Variants in MED1 observed in about 807,000 individuals in gnomAD.
MED1 encodes mediator of RNA polymerase II transcription subunit 1.
In MED1, 17 loss-of-function variants were observed where a neutral mutation model predicts 121.3. That is an observed-to-expected ratio of 0.14 (90% CI 0.10 to 0.21). MED1 has a LOEUF of 0.21. MED1 is among the 10% of genes least tolerant of loss of function. The probability of loss-of-function intolerance (pLI) is 1.00; values close to 1 mark genes in which losing one functional copy is unlikely to be tolerated. For synonymous variants in MED1, 661 were observed against 694.4 expected (o/e 0.95, Z 0.76); for missense variants, 1,558 against 1,919.4 (o/e 0.81, Z 3.52).
At position 39,409,666 on chromosome 17, in the gene MED1, T is replaced by A. The variant is rs200761504; in HGVS notation, c.2555A>T (p.Asp852Val). Residue 852 changes from aspartate (D) to valine (V), a missense_variant, in exon 17 of 17, where the codon GAC becomes GTC. Coordinates refer to ENST00000300651, the MANE Select transcript of MED1 (RefSeq NM_004774.4). ...ATGAAAAAAATGATTGGTAGGAGAGTCACTACTGGGGCTTCCAGCAGCATC... is the reference window on the plus strand; with the variant it reads ...ATGAAAAAAATGATTGGTAGGAGAGACACTACTGGGGCTTCCAGCAGCATC... ...IADAAGSPSS[D>V]SPTNHFFHDG... The A allele has an allele frequency of 2.5e-5, 41 of 1,613,994 alleles. No individual in the cohort carries two copies. Among genetic ancestry groups the A allele is most frequent in the Non-Finnish European group, 3.4e-5 (40 of 1,180,040 alleles).
Position 39,440,027 on chromosome 17 carries a change from A to G in MED1, c.399+359T>C, listed in dbSNP as rs1359734116. Among the ~76,000 whole-genome samples, 1 of 151,318 alleles carries G rather than the reference A, an allele frequency of 6.6e-6. No individual in the cohort carries two copies. The highest frequency in any genetic ancestry group is 1.5e-5 in the Non-Finnish European group (1 of 67,838). Reference sequence around the variant, plus strand: ...GAAGGAAGGAAGGAAGGAAAGAAAGAAAGAAAGAGAGAAAGAGAAAGAAAG... The same window carrying G: ...GAAGGAAGGAAGGAAGGAAAGAAAGGAAGAAAGAGAGAAAGAGAAAGAAAG... On this transcript the variant is annotated intron_variant, in intron 5 of 16. Coordinates refer to ENST00000300651, the MANE Select transcript of MED1 (RefSeq NM_004774.4). This position sits in a 1 kb window ranked among gnomAD's most constrained non-coding sequence, Gnocchi z 4.1.
At position 39,410,090 on chromosome 17, in the gene MED1, C is replaced by T. The variant is rs753200107; in HGVS notation, c.2131G>A (p.Glu711Lys). Residue 711 changes from glutamate (E) to lysine (K), a missense_variant, in exon 17 of 17, where the codon GAG (glutamate) becomes AAG (lysine). Physicochemically the swap from Glu to Lys is moderately conservative, Grantham distance 56. Around this residue, in one of 5 missense-constraint regions of MED1, gnomAD observed 793 missense variants for 898.2 expected, o/e 0.88. Transcript: ENST00000300651. ...GAGTCAACATCCATTGAAAATAGCT[C>T]CCTCTGAAAGTCATCTTCAGTCTGG... ...KHQTEDDFQR[E>K]LFSMDVDSQN... 5 of 1,614,040 alleles carry T rather than the reference C, an allele frequency of 3.1e-6. No individual in the cohort carries two copies. The highest frequency in any genetic ancestry group is 4.2e-6 in the Non-Finnish European group (5 of 1,180,008).
chr17:39,405,911 C>CT lies in MED1; in HGVS notation c.*1563dup, dbSNP rs879728736. 5.8e-3 allele frequency: 4,180 copies of CT among 721,440 alleles called. 22 individuals are homozygous for CT. The highest frequency in any genetic ancestry group is 0.035 in the African/African-American group (1,775 of 51,368). 44.7% of individuals were successfully genotyped at this position (721,440 alleles called of 1,614,324 possible). ...CATAACACACAAAGGAATCACCTGG[C>CT]TTTTTTTTTTTAACCCAGAAGAGTT... On this transcript the variant is annotated 3_prime_UTR_variant, in exon 17 of 17. Coordinates refer to ENST00000300651, the MANE Select transcript of MED1 (RefSeq NM_004774.4).
intron 7 of MED1, among the ~76,000 whole-genome samples, chr17:39,433,152 G>A (rs577831704): frequency 5.3e-5 from 8 of 152,142 alleles, no homozygotes; most frequent in South Asian, 2.1e-4. Context: ...GCAGTGAGCC[G>A]AGATGGCACC....
chr17:39,423,664 A>G, intron 12 of MED1, 33 bp downstream of exon 12: 1 of 1,613,508 alleles, frequency 6.2e-7, no homozygotes, highest in Non-Finnish European at 8.5e-7. Flanking sequence ...TCACATTTAT[A>G]ACAAGTACTA....
chr17:39,434,360 A>G (rs2048598692), intron 6 of MED1, 40 bp from the exon 7 acceptor site: 1 of 1,101,026 alleles, frequency 9.1e-7, no homozygotes, highest in South Asian at 1.5e-5. Flanking sequence ...AGAGGAAAAT[A>G]AAACATAAAA....
chr17:39,429,507 C>G (rs1284439630), intron 9 of MED1, among the ~76,000 whole-genome samples: 1 of 151,458 alleles, frequency 6.6e-6, no homozygotes, highest in African/African-American at 2.4e-5. Flanking sequence ...ACCAGCCTGG[C>G]CAACATGGTG....
chr17:39,418,576 C>G (rs527647650), intron 14 of MED1, among the ~76,000 whole-genome samples: 80 of 151,980 alleles, frequency 5.3e-4, no homozygotes, highest in South Asian at 1.7e-3. Flanking sequence ...CAAGTTCTAC[C>G]TTATGTATAT....
chr17:39,448,728 G>A (rs1038659501), intron 1 of MED1, among the ~76,000 whole-genome samples: 10 of 152,046 alleles, frequency 6.6e-5, no homozygotes, highest in African/African-American at 2.4e-4. Flanking sequence ...TGACCAACAC[G>A]GAGAAACCCC....
At chr17:39,446,742 C>T (rs2048731651) in intron 2 of MED1, among the ~76,000 whole-genome samples, 1 of 151,508 alleles carries the variant, frequency 6.6e-6, no homozygotes, top group Non-Finnish European at 1.5e-5. Context: ...CCATTGCACT[C>T]CAGCCTGGCC....
intron 16 of MED1, among the ~76,000 whole-genome samples, chr17:39,411,930 C>T (rs1290204501): frequency 1.3e-5 from 2 of 151,630 alleles, no homozygotes; most frequent in Non-Finnish European, 2.9e-5. Flanking sequence ...TTGCTTGAAC[C>T]CGGGAAGCAG....
chr17:39,426,073 T>C (rs766625257), intron 10 of MED1, among the ~76,000 whole-genome samples: 21 of 151,476 alleles, frequency 1.4e-4, no homozygotes, highest in Non-Finnish European at 2.4e-4. Flanking sequence ...TCGGGGGCTG[T>C]AGTGAGCTGT....
At chr17:39,433,093 C>T (rs1179878676) in intron 7 of MED1, among the ~76,000 whole-genome samples, 43 of 152,090 alleles carry the variant, frequency 2.8e-4, no homozygotes, top group Admixed American at 2.8e-3. Flanking sequence ...ATCCCAGCTA[C>T]TCGGGAGGCT....
chr17:39,411,447 CCT>C (rs1159706534), intron 16 of MED1, among the ~76,000 whole-genome samples: 4 of 151,742 alleles, frequency 2.6e-5, no homozygotes, highest in Non-Finnish European at 5.9e-5. Context: ...GGGGTGAAAC[CCT>C]GTCTCTACTA....
intron 2 of MED1, chr17:39,445,262 G>A (rs2048715447): frequency 6.6e-6 from 1 of 151,840 alleles, no homozygotes; most frequent in Non-Finnish European, 1.5e-5. Context: ...GCCCAGACTG[G>A]AGTGCAGTAG....
In MED1 at chr17:39,406,001, G is replaced by A. The variant is rs896701817; in HGVS notation, c.*1474C>T. The A allele has an allele frequency of 1.0e-6, 1 of 985,402 alleles. No individual in the cohort carries two copies. Among genetic ancestry groups the A allele is most frequent in the Non-Finnish European group, 1.2e-6 (1 of 829,908 alleles). The allele number at this position is 985,402 out of a possible 1,614,324, so 61.0% of individuals were successfully genotyped here. A position where few individuals can be genotyped will look rare whatever the true frequency, so the allele number is the denominator to read the frequency against. On this transcript the variant is annotated 3_prime_UTR_variant, in exon 17 of 17. Coordinates refer to ENST00000300651, the MANE Select transcript of MED1 (RefSeq NM_004774.4). ...GAATGGAATAATCAGGAATGGCACA[G>A]TGCAGGTGTCAATATCAAAGTAAGG...
intron 1 of MED1, among the ~76,000 whole-genome samples, chr17:39,450,294 G>C (rs916649507): frequency 2.6e-5 from 4 of 152,102 alleles, no homozygotes; most frequent in African/African-American, 9.7e-5. Flanking sequence ...TGTTTTTCTT[G>C]AGAAACCTGC....
chr17:39,439,245 G>A, intron 5 of MED1, 52 bp from the exon 6 acceptor site: 1 of 1,433,250 alleles, frequency 7.0e-7, no homozygotes, highest in East Asian at 2.4e-5. Flanking sequence ...TAGCAACTTT[G>A]AAGATATCAA....
chr17:39,407,569 A>G lies in MED1; in HGVS notation c.4652T>C (p.Ile1551Thr). Residue 1551 changes from isoleucine to threonine, a missense_variant, in exon 17 of 17, where the codon ATC becomes ACC. Physicochemically the swap from Ile to Thr is moderately conservative, Grantham distance 89 (BLOSUM62 -1). Transcript: ENST00000300651. Reference sequence around the variant, plus strand: ...CCTTGAGGGTCTGTCTGCAGATAAGATTGTGTTACTTGTCATAGACAAGGA... The same window carrying G: ...CCTTGAGGGTCTGTCTGCAGATAAGGTTGTGTTACTTGTCATAGACAAGGA... The part of the protein sequence containing the change: ...DQSLSMTSNT[I>T]LSADRPSRLS... The G allele has an allele frequency of 6.2e-7, 1 of 1,613,932 alleles. No individual in the cohort carries two copies. Among genetic ancestry groups the G allele is most frequent in the Non-Finnish European group, 8.5e-7 (1 of 1,179,990 alleles).
Sources: gnomAD v4.1 joint callset for allele counts (sites outside exome capture counted in the v4.1 genomes callset) on GRCh38, gnomAD v4.1.1 for gene constraint, gnomAD v4.1.1 regional missense constraint, Gnocchi (gnomAD v3.1) non-coding constraint, MANE v1.5 for transcripts, NCBI Gene and HGNC (gene_info 2026-07-23, HGNC 2026-07-21) for gene names.